Variants in LAMTOR4 observed in about 807,000 individuals in gnomAD.
LAMTOR4 encodes ragulator complex protein LAMTOR4.
Under a neutral mutation model 13.5 loss-of-function variants are expected in LAMTOR4, and 11 were observed. That is an observed-to-expected ratio of 0.82 (90% CI 0.51 to 1.35). The LOEUF is 1.35. Among genes scored for constraint, LAMTOR4 ranks in the 40% most tolerant of loss-of-function variants. The pLI is 0.00. For synonymous variants in LAMTOR4, 69 were observed against 52.3 expected (o/e 1.32, Z -1.38); for missense variants, 128 against 126.2 (o/e 1.01, Z -0.07).
chr7:100,149,021 T>G, intron 1 of LAMTOR4, 46 bp downstream of exon 1: 1 of 1,598,510 alleles, frequency 6.3e-7, no homozygotes. Context: ...GGGTTCAGCG[T>G]CTCTGCTCCC....
At chr7:100,149,889 C>A (rs1282156383) in intron 2 of LAMTOR4, 1 of 212,064 alleles carries the variant, frequency 4.7e-6, no homozygotes, top group Non-Finnish European at 9.8e-6. Context: ...GATTCTCCTG[C>A]CTCAGCCTCC....
At chr7:100,151,549 C>G (rs529730659) in intron 2 of LAMTOR4, among the ~76,000 whole-genome samples, 1 of 151,790 alleles carries the variant, frequency 6.6e-6, no homozygotes, top group East Asian at 1.9e-4. Flanking sequence ...CCACCATGCC[C>G]GGCTACTTTT....
intron 3 of LAMTOR4, 87 bp downstream of exon 3, chr7:100,153,604 C>G (rs1798787012): frequency 8.5e-7 from 1 of 1,172,294 alleles, no homozygotes; most frequent in East Asian, 2.3e-5. Flanking sequence ...TTCCAGCCTC[C>G]TACCATCTCC....
At chr7:100,149,657 C>T in intron 2 of LAMTOR4, 78 bp downstream of exon 2, 3 of 1,097,132 alleles carry the variant, frequency 2.7e-6, no homozygotes, top group East Asian at 2.4e-5. Context: ...CTTCTTTTCT[C>T]GGCTTTTATC....
Position 100,153,865 on chromosome 7 carries a change from A to C in LAMTOR4, c.203-2A>C. 6.4e-7 allele frequency: 1 copy of C among 1,568,094 alleles called. No homozygotes were observed. Among genetic ancestry groups the C allele is most frequent in the Non-Finnish European group, 8.7e-7 (1 of 1,154,806 alleles). On this transcript the variant is annotated splice_acceptor_variant, in intron 3 of 3. Transcript: ENST00000341942. LOFTEE classifies it high-confidence loss of function. The stretch of plus-strand genomic sequence containing the variant: ...GCGGGGGAAGGTGTGTCTCTCCTCC[A>C]GTGGTCTTTGGAGAACACACACTGC...
At chr7:100,149,409 TCA>T (rs1368132962) in intron 1 of LAMTOR4, 88 bp from the exon 2 acceptor site, 2 of 893,290 alleles carry the variant, frequency 2.2e-6, no homozygotes, top group Admixed American at 3.6e-5. Flanking sequence ...GGGGCCATCG[TCA>T]ACCCAGAGAC....
chr7:100,150,713 T>C (rs1447984536), intron 2 of LAMTOR4, among the ~76,000 whole-genome samples: 1 of 151,874 alleles, frequency 6.6e-6, no homozygotes, highest in African/African-American at 2.4e-5. Context: ...GGGCTGGGCG[T>C]GGTGGTTCAT....
In LAMTOR4 at chr7:100,154,082, C is replaced by T; in HGVS notation, c.*118C>T. Reference sequence around the variant, plus strand: ...ACTAGGGCCTTCTGCTCGCCCACCTCCCACCCCTACCTGGACGGGCCCAGG... The same window carrying T: ...ACTAGGGCCTTCTGCTCGCCCACCTTCCACCCCTACCTGGACGGGCCCAGG... On this transcript the variant is annotated 3_prime_UTR_variant, in exon 4 of 4. Coordinates refer to ENST00000341942, the MANE Select transcript of LAMTOR4 (RefSeq NM_001008395.4). 1 of 751,484 alleles carries T rather than the reference C, an allele frequency of 1.3e-6. No individual in the cohort carries two copies. The allele number at this position is 751,484 out of a possible 1,614,324, so 46.6% of individuals were successfully genotyped here.
rs897471545 is a variant in LAMTOR4, at chr7:100,149,584, G to A, written c.84+5G>A. 1.2e-6 allele frequency: 2 copies of A among 1,612,550 alleles called. No individual in the cohort carries two copies. The highest frequency in any genetic ancestry group is 1.3e-5 in the African/African-American group (1 of 74,868). ...AGTGAAGGTGCAGTGCTGGCGGTGC[G>A]TTCTGGGAAAGGGAGGGGGTCCCTT... On this transcript the variant is annotated splice_donor_5th_base_variant and intron_variant, in intron 2 of 3. Coordinates refer to ENST00000341942, the MANE Select transcript of LAMTOR4 (RefSeq NM_001008395.4).
At chr7:100,149,617 A>C (rs753033735) in intron 2 of LAMTOR4, 38 bp downstream of exon 2, 1 of 1,485,870 alleles carries the variant, frequency 6.7e-7, no homozygotes, top group Admixed American at 1.7e-5. Flanking sequence ...CTTAGTGCAC[A>C]CAGCCCGGTA....
At position 100,154,073 on chromosome 7, in the gene LAMTOR4, C is replaced by T. The variant is rs747339043; in HGVS notation, c.*109C>T. On this transcript the variant is annotated 3_prime_UTR_variant, in exon 4 of 4. Transcript: ENST00000341942. ...GCTGCTAGAACTAGGGCCTTCTGCT[C>T]GCCCACCTCCCACCCCTACCTGGAC... 7.5e-6 allele frequency: 6 copies of T among 803,458 alleles called. No individual in the cohort carries two copies. The highest frequency in any genetic ancestry group is 3.4e-5 in the African/African-American group (2 of 58,892). The allele number at this position is 803,458 out of a possible 1,614,324, so 49.8% of individuals were successfully genotyped here. A position where few individuals can be genotyped will look rare whatever the true frequency, so the allele number is the denominator to read the frequency against.
At chr7:100,150,262 G>C (rs1014838399) in intron 2 of LAMTOR4, among the ~76,000 whole-genome samples, 1 of 152,202 alleles carries the variant, frequency 6.6e-6, no homozygotes, top group Non-Finnish European at 1.5e-5. Flanking sequence ...GACTTAGGTA[G>C]AGACAAAGCT....
At chr7:100,149,043 GT>G in intron 1 of LAMTOR4, 68 bp downstream of exon 1, 1 of 1,570,174 alleles carries the variant, frequency 6.4e-7, no homozygotes, top group East Asian at 2.3e-5. Flanking sequence ...AGTCTGTGTG[GT>G]TTCCCCCTGG....
Position 100,154,042 on chromosome 7 carries a change from T to G in LAMTOR4, c.*78T>G. 1.9e-4 allele frequency: 219 copies of G among 1,138,936 alleles called. No individual in the cohort carries two copies. Among genetic ancestry groups the G allele is most frequent in the Non-Finnish European group, 2.5e-4 (197 of 773,148 alleles). The allele number at this position is 1,138,936 out of a possible 1,614,324, so 70.6% of individuals were successfully genotyped here. On this transcript the variant is annotated 3_prime_UTR_variant, in exon 4 of 4. Coordinates refer to ENST00000341942, the MANE Select transcript of LAMTOR4 (RefSeq NM_001008395.4). ...ATGAGGCAGGCACACCTGTCGGTCT[T>G]GGCTTGCTGCTAGAACTAGGGCCTT...
intron 2 of LAMTOR4, among the ~76,000 whole-genome samples, chr7:100,151,418 T>A (rs1252697851): frequency 6.6e-6 from 1 of 151,222 alleles, no homozygotes; most frequent in African/African-American, 2.4e-5. Context: ...AGACGGAGTC[T>A]CACTCTGTCA....
rs374360379 is a variant in LAMTOR4, at chr7:100,149,008, C to T, written c.3+33C>T. On this transcript the variant is annotated intron_variant, in intron 1 of 3. Transcript: ENST00000341942. ...AGGACGCATGCGCGAGAGGACCCGC[C>T]GGGGGTTCAGCGTCTCTGCTCCCCA... 9.4e-5 allele frequency: 151 copies of T among 1,604,400 alleles called. No homozygotes were observed. The African/African-American group carries it at 1.8e-3, about 20-fold the overall frequency.
chr7:100,149,708 T>A, intron 2 of LAMTOR4, 129 bp downstream of exon 2: 1 of 639,416 alleles, frequency 1.6e-6, no homozygotes, highest in Non-Finnish European at 2.8e-6. Flanking sequence ...TACAAAAGTA[T>A]TTGCAGTTTT....
chr7:100,150,633 G>A (rs1798669624), intron 2 of LAMTOR4, among the ~76,000 whole-genome samples: 2 of 152,178 alleles, frequency 1.3e-5, no homozygotes, highest in East Asian at 1.9e-4. Context: ...GACCCAGTGA[G>A]GTGGTTGAGC....
At chr7:100,153,257 G>A (rs1052791691) in intron 2 of LAMTOR4, 143 bp from the exon 3 acceptor site, 3 of 669,670 alleles carry the variant, frequency 4.5e-6, no homozygotes, top group Non-Finnish European at 8.0e-6. Flanking sequence ...GGAGATTTCA[G>A]GTTGTTTTTT....
Sources: allele counts gnomAD v4.1 joint callset (sites outside exome capture counted in the v4.1 genomes callset), GRCh38; gene constraint gnomAD v4.1.1; transcripts MANE v1.5; gene names NCBI Gene and HGNC (gene_info 2026-07-23, HGNC 2026-07-21).